The following USP49 variants were observed in gnomAD, a reference collection of about 807,000 sequenced individuals.
The protein encoded by USP49 is ubiquitin specific peptidase 49.
USP49 carries 24 observed loss-of-function variants against 58.6 expected under a neutral mutation model. The ratio of observed to expected loss-of-function variants is 0.41; its 90% CI spans 0.30 to 0.58. USP49 has a LOEUF of 0.58. Ranked by LOEUF, USP49 falls within the 20% of genes least tolerant of loss-of-function variation. USP49 has a pLI of 0.30. For synonymous variants in USP49, 408 were observed against 365.1 expected (o/e 1.12, Z -1.34); for missense variants, 703 against 866.1 (o/e 0.81, Z 2.36).
Position 41,806,587 on chromosome 6 carries a change from G to A in USP49, c.397C>T (p.Pro133Ser), listed in dbSNP as rs757172945. The A allele has an allele frequency of 1.7e-5, 27 of 1,605,596 alleles. No homozygotes were observed. Among genetic ancestry groups the A allele is most frequent in the South Asian group, 2.2e-5 (2 of 90,864 alleles). The change falls in exon 4 of 8, where the codon CCT becomes TCT. Residue 133 changes from proline (P) to serine (S), a missense_variant. By Grantham distance (74) the Pro-to-Ser change is moderately conservative. Coordinates refer to ENST00000682992, the MANE Select transcript of USP49 (RefSeq NM_001286554.2). This position sits in a 1 kb window ranked among gnomAD's most constrained non-coding sequence, Gnocchi z 5.9. ...GTGAGCATCTGCGGCTGTCCCTGAGGAGCGCGCTGCGGCAGGACCACGTCC... is the reference window on the plus strand; with the variant it reads ...GTGAGCATCTGCGGCTGTCCCTGAGAAGCGCGCTGCGGCAGGACCACGTCC... ...GEDVVLPQRA[P>S]QGQPQMLTAL...
chr6:41,878,536 A>T (rs1452488691), intron 2 of USP49, among the ~76,000 whole-genome samples: 2 of 152,166 alleles, frequency 1.3e-5, no homozygotes, highest in African/African-American at 4.8e-5. Flanking sequence ...CCTTCTATAT[A>T]GCATATACCA....
At chr6:41,828,227 A>G (rs1335221672) in intron 3 of USP49, among the ~76,000 whole-genome samples, 3 of 151,924 alleles carry the variant, frequency 2.0e-5, no homozygotes, top group Admixed American at 6.6e-5. Context: ...GGCAGATCAC[A>G]AGGTCAGGAG....
chr6:41,801,274 C>CTG (rs1356730184), intron 5 of USP49, among the ~76,000 whole-genome samples: 1 of 152,174 alleles, frequency 6.6e-6, no homozygotes, highest in Admixed American at 6.5e-5. Flanking sequence ...TTGTCTTGAG[C>CTG]TGTTGATATC....
chr6:41,798,694 C>CCCCCA (rs201338884), intron 7 of USP49, 30 bp downstream of exon 7: 24,697 of 1,613,946 alleles, frequency 0.015, 223 homozygotes, highest in Non-Finnish European at 0.018. Context: ...CTTTCCGTGT[C>CCCCCA]CCCCACCCCA....
chr6:41,819,113 A>G (rs1773409898), intron 3 of USP49, among the ~76,000 whole-genome samples: 1 of 152,112 alleles, frequency 6.6e-6, no homozygotes, highest in Non-Finnish European at 1.5e-5. Context: ...GAAGAGCCAG[A>G]TACAAGGTCG....
chr6:41,805,873 C>G lies in USP49; in HGVS notation c.1111G>C (p.Gly371Arg). ...LHTLFRVMWS[G>R]KWALVSPFAM... ...AAGGGCGACACTAGGGCCCACTTCC[C>G]GGACCACATGACTCGGAAGAGGGTG... is the stretch of plus-strand genomic sequence containing the variant. The change falls in exon 4 of 8, where the codon GGG becomes CGG. Residue 371 changes from glycine (G) to arginine (R), a missense_variant. Around this residue, in one of 6 missense-constraint regions of USP49, gnomAD observed 66 missense variants for 116.0 expected, o/e 0.57. Coordinates refer to ENST00000682992, the MANE Select transcript of USP49 (RefSeq NM_001286554.2). 6.2e-7 allele frequency: 1 copy of G among 1,613,974 alleles called. No individual in the cohort carries two copies. Among genetic ancestry groups the G allele is most frequent in the Non-Finnish European group, 8.5e-7 (1 of 1,180,020 alleles).
In USP49 at chr6:41,806,493, C is replaced by T; in HGVS notation, c.491G>A (p.Arg164Gln). ...TLRLWFEKSS[R>Q]GQAKLEQRRQ... ...CCGCTGCTCCAGCTTCGCCTGGCCCCGGGAGCTCTTCTCGAACCACAGCCG... is the reference window on the plus strand; with the variant it reads ...CCGCTGCTCCAGCTTCGCCTGGCCCTGGGAGCTCTTCTCGAACCACAGCCG... The change falls in exon 4 of 8, where the codon CGG becomes CAG. Residue 164 changes from arginine to glutamine, a missense_variant. Coordinates refer to ENST00000682992, the MANE Select transcript of USP49 (RefSeq NM_001286554.2). The surrounding 1 kb of genome is among the most constrained non-coding windows in gnomAD (Gnocchi z 5.9). The T allele has an allele frequency of 8.1e-6, 13 of 1,598,318 alleles. No homozygotes were observed. Among genetic ancestry groups the T allele is most frequent in the Non-Finnish European group, 1.0e-5 (12 of 1,179,312 alleles).
At position 41,814,981 on chromosome 6, in the gene USP49, C is replaced by CA. The variant is rs200696487; in HGVS notation, c.-28-7971dup. 6.3e-3 allele frequency among the ~76,000 whole-genome samples: 958 copies of CA among 152,234 alleles called. 6 individuals are homozygous for CA. The highest frequency in any genetic ancestry group is 0.02 in the African/African-American group (837 of 41,520). ...AACCTGCATAGACTGCTTAAAGAGACACAGTGAATACACATTTACAAATAA... is the reference window on the plus strand; with the variant it reads ...AACCTGCATAGACTGCTTAAAGAGACAACAGTGAATACACATTTACAAATAA... On this transcript the variant is annotated intron_variant, in intron 3 of 7. Transcript: ENST00000682992.
chr6:41,863,759 C>T (rs1360077080), intron 3 of USP49, among the ~76,000 whole-genome samples: 1 of 152,092 alleles, frequency 6.6e-6, no homozygotes, highest in Non-Finnish European at 1.5e-5. Context: ...AATGAATTTT[C>T]TAAACCTCAG....
At chr6:41,826,935 A>C (rs1000245266) in intron 3 of USP49, among the ~76,000 whole-genome samples, 4 of 152,180 alleles carry the variant, frequency 2.6e-5, no homozygotes, top group African/African-American at 7.2e-5. Flanking sequence ...CCCCAACTAA[A>C]AAATACAACT....
chr6:41,813,486 C>T (rs530213100), intron 3 of USP49, among the ~76,000 whole-genome samples: 1 of 152,230 alleles, frequency 6.6e-6, no homozygotes, highest in Non-Finnish European at 1.5e-5. Flanking sequence ...CAACCAAAAG[C>T]CAAAAGAGAA....
chr6:41,841,413 G>A (rs1192239), intron 3 of USP49, among the ~76,000 whole-genome samples: 1,652 of 152,244 alleles, frequency 0.011, 28 homozygotes, highest in South Asian at 0.046. Flanking sequence ...GTCCTACTCT[G>A]AGCTTTCATT....
intron 1 of USP49, among the ~76,000 whole-genome samples, chr6:41,892,216 A>G (rs1025306575): frequency 6.6e-6 from 1 of 152,218 alleles, no homozygotes; most frequent in African/African-American, 2.4e-5. Context: ...CTTACAGTTT[A>G]TATTTCCTTC....
intron 2 of USP49, among the ~76,000 whole-genome samples, chr6:41,875,770 C>T (rs553050544): frequency 3.7e-4 from 56 of 152,210 alleles, no homozygotes; most frequent in East Asian, 9.6e-4. Flanking sequence ...GACAGCCTGT[C>T]GCCCAGGCTG....
intron 3 of USP49, among the ~76,000 whole-genome samples, chr6:41,867,731 G>A (rs1004175963): frequency 5.9e-5 from 9 of 151,990 alleles, no homozygotes; most frequent in African/African-American, 1.2e-4. Flanking sequence ...CAGCCTGGGC[G>A]ACAGAGCAAG....
At chr6:41,892,100 A>G (rs1774819144) in intron 1 of USP49, among the ~76,000 whole-genome samples, 1 of 152,228 alleles carries the variant, frequency 6.6e-6, no homozygotes, top group Non-Finnish European at 1.5e-5. Context: ...AGTTTTAGAA[A>G]TAGCGACTGA....
chr6:41,878,418 G>A (rs577350798), intron 2 of USP49, among the ~76,000 whole-genome samples: 1 of 152,250 alleles, frequency 6.6e-6, no homozygotes, highest in South Asian at 2.1e-4. Flanking sequence ...TGACCTGAGA[G>A]CAAAGGAATG....
In USP49 at chr6:41,802,456, A is replaced by ATTT. The variant is rs1186521851; in HGVS notation, c.1561+1347_1561+1349dup. ...TATTTATTTATTTATTTATTTATTT[A>ATTT]TTTATTTATTTATTTTTTATTTATT... is the stretch of plus-strand genomic sequence containing the variant. On this transcript the variant is annotated intron_variant, in intron 5 of 7. Coordinates refer to ENST00000682992, the MANE Select transcript of USP49 (RefSeq NM_001286554.2). 4.7e-4 allele frequency among the ~76,000 whole-genome samples: 33 copies of ATTT among 70,264 alleles called. 1 individual carries two copies. The highest frequency in any genetic ancestry group is 7.0e-4 in the African/African-American group (12 of 17,130). The allele number at this position is 70,264 out of a possible 152,430, so 46.1% of individuals were successfully genotyped here.
In USP49 at chr6:41,873,290, T is replaced by G. The variant is rs571877894; in HGVS notation, c.-102-1653A>C. 2.6e-5 allele frequency among the ~76,000 whole-genome samples: 4 copies of G among 152,298 alleles called. No individual in the cohort carries two copies. The South Asian group carries it at 8.3e-4, about 32-fold the overall frequency. Reference sequence around the variant, plus strand: ...CCTCTATTTTGCCCCTTTCTTCAGGTAGGTACACAAAATCTGCAAATGCCC... The same window carrying G: ...CCTCTATTTTGCCCCTTTCTTCAGGGAGGTACACAAAATCTGCAAATGCCC... On this transcript the variant is annotated intron_variant, in intron 2 of 7. Transcript: ENST00000682992.
Sources: gnomAD v4.1 joint callset for allele counts (sites outside exome capture counted in the v4.1 genomes callset) on GRCh38, gnomAD v4.1.1 for gene constraint, gnomAD v4.1.1 regional missense constraint, Gnocchi (gnomAD v3.1) non-coding constraint, MANE v1.5 for transcripts, NCBI Gene and HGNC (gene_info 2026-07-23, HGNC 2026-07-21) for gene names.